The following TINAG variants were observed in gnomAD, a reference collection of about 807,000 sequenced individuals.
The protein encoded by TINAG is tubulointerstitial nephritis antigen.
TINAG carries 83 observed loss-of-function variants against 72.7 expected under a neutral mutation model. The observed-to-expected ratio is 1.14, with a 90% confidence interval of 0.96 to 1.37. TINAG has a LOEUF of 1.37. TINAG is among the 40% of genes most tolerant of loss of function. The pLI, the probability that TINAG is intolerant of heterozygous loss-of-function variation, is 0.00. For synonymous variants in TINAG, 234 were observed against 189.9 expected, an observed-to-expected ratio of 1.23 and a Z score of -1.91; for missense variants, 685 against 576.6, an observed-to-expected ratio of 1.19 and a Z score of -1.93.
chr6:54,372,067 C>T (rs1269824886), intron 9 of TINAG, among the ~76,000 whole-genome samples: 1 of 142,738 alleles, frequency 7.0e-6, no homozygotes, highest in African/African-American at 2.6e-5. Flanking sequence ...TCTGGGCTCA[C>T]TGCAACCTCC....
intron 5 of TINAG, among the ~76,000 whole-genome samples, chr6:54,347,056 A>G (rs949856948): frequency 6.6e-6 from 1 of 152,094 alleles, no homozygotes; most frequent in Non-Finnish European, 1.5e-5. Flanking sequence ...TTGCCCTCCA[A>G]GAGTTTCACC....
chr6:54,390,009 G>T lies in TINAG; in HGVS notation c.*84G>T. On this transcript the variant is annotated 3_prime_UTR_variant, in exon 11 of 11. Transcript: ENST00000259782. ...GCAATATGACATTCTTGGTGACAGT[G>T]GAATCTTTGTCTCTTCACCGTGTTA... 1 of 1,528,666 alleles carries T rather than the reference G, an allele frequency of 6.5e-7. No individual in the cohort carries two copies. The highest frequency in any genetic ancestry group is 8.8e-7 in the Non-Finnish European group (1 of 1,130,626). The allele number at this position is 1,528,666 out of a possible 1,614,324, so 94.7% of individuals were successfully genotyped here.
At chr6:54,384,218 G>A (rs2150984745) in intron 10 of TINAG, among the ~76,000 whole-genome samples, 1 of 152,224 alleles carries the variant, frequency 6.6e-6, no homozygotes, top group East Asian at 1.9e-4. Context: ...TGGGGGGCTA[G>A]GAGAGGGATA....
chr6:54,369,921 C>T (rs990910310), intron 9 of TINAG: 4 of 151,884 alleles, frequency 2.6e-5, no homozygotes, highest in Admixed American at 2.6e-4. Context: ...CTTATAATTA[C>T]CTCCAGAAGA....
At chr6:54,350,451 A>G (rs184095103) in intron 7 of TINAG, among the ~76,000 whole-genome samples, 209 of 151,866 alleles carry the variant, frequency 1.4e-3, no homozygotes, top group Admixed American at 4.0e-3. Flanking sequence ...TTCTAACCAT[A>G]GCACATTGGC....
intron 4 of TINAG, among the ~76,000 whole-genome samples, chr6:54,338,719 CAAAAAA>C (rs57231980): frequency 3.5e-5 from 2 of 56,998 alleles, no homozygotes; most frequent in African/African-American, 6.2e-5. Flanking sequence ...GACTCTGTCT[CAAAAAA>C]AAAAAAAAAA....
chr6:54,367,339 T>C (rs1763463362), intron 9 of TINAG, among the ~76,000 whole-genome samples: 1 of 151,788 alleles, frequency 6.6e-6, no homozygotes, highest in Non-Finnish European at 1.5e-5. Context: ...GGAAGCTGAA[T>C]AACATTTAAA....
At chr6:54,384,974 G>T (rs530063353) in intron 10 of TINAG, among the ~76,000 whole-genome samples, 76 of 152,178 alleles carry the variant, frequency 5.0e-4, no homozygotes, top group South Asian at 1.2e-3. Context: ...AATTGAAATT[G>T]TACAGAATAT....
At chr6:54,386,821 G>A (rs568723737) in intron 10 of TINAG, among the ~76,000 whole-genome samples, 10 of 151,878 alleles carry the variant, frequency 6.6e-5, no homozygotes, top group South Asian at 2.1e-4. Context: ...AAAGTTTCTC[G>A]AAGAAAACAT....
chr6:54,349,651 A>G, intron 6 of TINAG, 65 bp from the exon 7 acceptor site: 1 of 1,336,574 alleles, frequency 7.5e-7, no homozygotes, highest in Non-Finnish European at 1.0e-6. Flanking sequence ...GTAAGATTAA[A>G]TATAAAAAGG....
intron 5 of TINAG, 141 bp from the exon 6 acceptor site, chr6:54,347,226 A>G (rs944108369): frequency 7.5e-6 from 6 of 797,602 alleles, no homozygotes; most frequent in East Asian, 2.8e-5. Context: ...GAATACATAA[A>G]TATATTAATG....
rs533637294 is a variant in TINAG at position 54,342,483 on chromosome 6, C to G, written c.625-743C>G. Among the ~76,000 whole-genome samples, 37 of 152,136 alleles carry G rather than the reference C, an allele frequency of 2.4e-4. No homozygotes were observed. The Middle Eastern group carries it at 0.01, about 42-fold the overall frequency. ...TCCCAGGTTCAAGTGATTCTCCCAC[C>G]TGAGCCTCCTGAGTAGCTGGGATTA... is the stretch of plus-strand genomic sequence containing the variant. On this transcript the variant is annotated intron_variant, in intron 4 of 10. Coordinates refer to ENST00000259782, the MANE Select transcript of TINAG (RefSeq NM_014464.4).
chr6:54,351,334 T>C lies in TINAG; in HGVS notation c.1081-18T>C, dbSNP rs1356392067. ...CTCTGATAACAATGATATTGCTTATTCATATTTTTCCATCCAGGAAACTGA... is the reference window on the plus strand; with the variant it reads ...CTCTGATAACAATGATATTGCTTATCCATATTTTTCCATCCAGGAAACTGA... On this transcript the variant is annotated intron_variant, in intron 7 of 10. Transcript: ENST00000259782. The C allele has an allele frequency of 5.6e-6, 9 of 1,603,254 alleles. No homozygotes were observed. Among genetic ancestry groups the C allele is most frequent in the Non-Finnish European group, 6.0e-6 (7 of 1,171,918 alleles).
chr6:54,311,504 C>T (rs1021374204), intron 1 of TINAG, among the ~76,000 whole-genome samples: 2 of 152,220 alleles, frequency 1.3e-5, no homozygotes, highest in Non-Finnish European at 2.9e-5. Context: ...TCCCCTAGTA[C>T]TATACGGGGA....
intron 9 of TINAG, among the ~76,000 whole-genome samples, chr6:54,358,672 G>A (rs1267652993): frequency 6.6e-6 from 1 of 151,772 alleles, no homozygotes; most frequent in African/African-American, 2.4e-5. Flanking sequence ...TCTGCCCTTA[G>A]TTTATAGCTC....
intron 4 of TINAG, among the ~76,000 whole-genome samples, chr6:54,331,657 G>A (rs910515869): frequency 9.2e-5 from 14 of 152,208 alleles, no homozygotes; most frequent in African/African-American, 3.4e-4. Context: ...AAGGAAGAGA[G>A]GAAGTCAAAT....
upstream of TINAG, chr6:54,308,322 C>G: frequency 1.6e-6 from 1 of 639,174 alleles, no homozygotes. Flanking sequence ...AGTTTTTTAA[C>G]TTTGGGGGAA....
Position 54,318,516 on chromosome 6 carries a change from T to C in TINAG, c.356-2063T>C, listed in dbSNP as rs374871045. ...CTTCTCTCTATCCTCACTACTATTA[T>C]GCTAATCCTTCATGCTTCTGGGAAC... On this transcript the variant is annotated intron_variant, in intron 1 of 10. Transcript: ENST00000259782. 9.9e-5 allele frequency among the ~76,000 whole-genome samples: 15 copies of C among 152,272 alleles called. 1 individual carries two copies. Among genetic ancestry groups the C allele is most frequent in the African/African-American group, 3.6e-4 (15 of 41,548 alleles).
chr6:54,308,873 G>C lies in TINAG; in HGVS notation c.323G>C (p.Trp108Ser). 1 of 1,612,754 alleles carries C rather than the reference G, an allele frequency of 6.2e-7. No individual in the cohort carries two copies. The highest frequency in any genetic ancestry group is 8.5e-7 in the Non-Finnish European group (1 of 1,179,480). The change falls in exon 1 of 11, where the codon TGG (tryptophan) becomes TCG (serine). Residue 108 changes from tryptophan to serine, a missense_variant. By Grantham distance (177) the Trp-to-Ser change is radical. Coordinates refer to ENST00000259782, the MANE Select transcript of TINAG (RefSeq NM_014464.4). ...TCCTTTTGCCGTGAAGAGAAAGAATGGCCTCCTCACACACAGCCTTGGTAT... is the reference window on the plus strand; with the variant it reads ...TCCTTTTGCCGTGAAGAGAAAGAATCGCCTCCTCACACACAGCCTTGGTAT... ...YKSFCREEKE[W>S]PPHTQPWYPE...
Sources: gnomAD v4.1 joint callset for allele counts (sites outside exome capture counted in the v4.1 genomes callset) on GRCh38, gnomAD v4.1.1 for gene constraint, MANE v1.5 for transcripts, NCBI Gene and HGNC (gene_info 2026-07-23, HGNC 2026-07-21) for gene names.